The following SRRM3 variants were observed in gnomAD, a reference collection of about 807,000 sequenced individuals.
SRRM3 encodes serine/arginine repetitive matrix 3.
Under a neutral mutation model 66.2 loss-of-function variants are expected in SRRM3, and 27 were observed. The ratio of observed to expected loss-of-function variants is 0.41; its 90% CI spans 0.30 to 0.56. The LOEUF (loss-of-function observed/expected upper bound fraction) is 0.56. SRRM3 is among the 20% of genes least tolerant of loss of function. SRRM3 has a pLI of 0.32. For synonymous variants in SRRM3, 391 were observed against 414.9 expected (o/e 0.94, Z 0.70); for missense variants, 918 against 991.9 (o/e 0.93, Z 1.00).
Position 76,265,468 on chromosome 7 carries a change from G to T in SRRM3, c.830G>T (p.Arg277Met), listed in dbSNP as rs1801985707. The change falls in exon 10 of 15, where the codon AGG (arginine) becomes ATG (methionine). Residue 277 changes from arginine (R) to methionine (M), a missense_variant and splice_region_variant. Transcript: ENST00000611745. ...SHYSDSRSPSRLSPKHRDEGR... is the reference protein window; with the variant it reads ...SHYSDSRSPSMLSPKHRDEGR... ...TACAGTGATTCCAGATCTCCCAGCAGGTAGGCCTGGGCCTCTGGGAGGCTT... is the reference window on the plus strand; with the variant it reads ...TACAGTGATTCCAGATCTCCCAGCATGTAGGCCTGGGCCTCTGGGAGGCTT... 13 of 1,599,732 alleles carry T rather than the reference G, an allele frequency of 8.1e-6. No homozygotes were observed. The East Asian group carries it at 3.0e-4, about 37-fold the overall frequency.
rs1240338787 is a variant in SRRM3, at chr7:76,286,588, T to G, written c.*745T>G. ...TCCAGGCCAGGCTCTCCTCACCCCA[T>G]GCCCTGGGCCAAGGTCCTACCAGCC... On this transcript the variant is annotated 3_prime_UTR_variant, in exon 15 of 15. Coordinates refer to ENST00000611745, the MANE Select transcript of SRRM3 (RefSeq NM_001110199.3). 6.6e-6 allele frequency: 1 copy of G among 152,364 alleles called. No individual in the cohort carries two copies. The highest frequency in any genetic ancestry group is 1.5e-5 in the Non-Finnish European group (1 of 68,150). 9.4% of individuals were successfully genotyped at this position (152,364 alleles called of 1,614,324 possible).
intron 11 of SRRM3, among the ~76,000 whole-genome samples, chr7:76,279,420 C>A (rs1276955815): frequency 1.3e-5 from 2 of 151,740 alleles, no homozygotes; most frequent in East Asian, 3.9e-4. Flanking sequence ...GATACCACAT[C>A]TGCCCTGGAG....
intron 1 of SRRM3, among the ~76,000 whole-genome samples, chr7:76,218,006 C>T (rs1451390059): frequency 6.6e-6 from 1 of 152,156 alleles, no homozygotes; most frequent in Non-Finnish European, 1.5e-5. Context: ...TATCCAGGCC[C>T]CTGACACTTG....
At chr7:76,236,538 C>T (rs1368442234) in intron 2 of SRRM3, among the ~76,000 whole-genome samples, 1 of 152,182 alleles carries the variant, frequency 6.6e-6, no homozygotes, top group East Asian at 1.9e-4. Context: ...CACCCCAGGC[C>T]TCCTGGGCTC....
At chr7:76,274,535 C>CTCGTTCTACCCTCAGCA (rs1802293387) in intron 11 of SRRM3, among the ~76,000 whole-genome samples, 1 of 152,206 alleles carries the variant, frequency 6.6e-6, no homozygotes, top group Non-Finnish European at 1.5e-5. Context: ...CAGACAGGGG[C>CTCGTTCTACCCTCAGCA]TCCTTCTACC....
intron 10 of SRRM3, 60 bp from the exon 11 acceptor site, chr7:76,267,198 C>T: frequency 7.1e-7 from 1 of 1,412,386 alleles, no homozygotes; most frequent in Non-Finnish European, 9.3e-7. Context: ...GGAGGCGCAA[C>T]TGCTTGCAAA....
At position 76,260,517 on chromosome 7, in the gene SRRM3, T is replaced by A. The variant is rs1277528108; in HGVS notation, c.545+320T>A. On this transcript the variant is annotated intron_variant, in intron 5 of 14. Coordinates refer to ENST00000611745, the MANE Select transcript of SRRM3 (RefSeq NM_001110199.3). Reference sequence around the variant, plus strand: ...CCTCCCCTTCTCTAGGACCCGCCCCTCATCGAGGTCCTCTCCCCACTAGGC... The same window carrying A: ...CCTCCCCTTCTCTAGGACCCGCCCCACATCGAGGTCCTCTCCCCACTAGGC... Among the ~76,000 whole-genome samples, 10 of 22,474 alleles carry A rather than the reference T, an allele frequency of 4.4e-4. No individual in the cohort carries two copies. In the Admixed American group the frequency reaches 6.5e-3, roughly 15 times the overall value. The allele number at this position is 22,474 out of a possible 152,430, so 14.7% of individuals were successfully genotyped here.
chr7:76,268,393 TG>T (rs1436542901), intron 11 of SRRM3: 6 of 4,700 alleles, frequency 1.3e-3, no homozygotes, highest in East Asian at 8.5e-3. Flanking sequence ...CTGGGGTGGG[TG>T]GGGGGGTGGC....
At chr7:76,260,080 C>A (rs1801815899) in intron 4 of SRRM3, 37 bp from the exon 5 acceptor site, 1 of 1,407,416 alleles carries the variant, frequency 7.1e-7, no homozygotes, top group Non-Finnish European at 9.2e-7. Context: ...GGGGCTGCCC[C>A]CCCTCACCGC....
At chr7:76,238,556 C>T (rs540932370) in intron 2 of SRRM3, among the ~76,000 whole-genome samples, 51 of 151,988 alleles carry the variant, frequency 3.4e-4, no homozygotes, top group Non-Finnish European at 3.4e-4. Context: ...CTGCAATCAC[C>T]GCGGGGCGGG....
At chr7:76,275,497 CAA>C (rs35985626) in intron 11 of SRRM3, among the ~76,000 whole-genome samples, 51 of 70,906 alleles carry the variant, frequency 7.2e-4, no homozygotes, top group East Asian at 4.9e-3. Flanking sequence ...CCTGCTCCCT[CAA>C]AAAAAAAAAA....
intron 11 of SRRM3, among the ~76,000 whole-genome samples, chr7:76,277,294 C>T (rs1197806641): frequency 6.6e-6 from 1 of 152,306 alleles, no homozygotes; most frequent in Admixed American, 6.5e-5. Flanking sequence ...CCACTCTCAG[C>T]ATAATGTAGT....
intron 14 of SRRM3, 87 bp downstream of exon 14, chr7:76,283,188 TCTGAGGATCCA>T (rs1802574532): frequency 8.4e-7 from 1 of 1,189,704 alleles, no homozygotes; most frequent in African/African-American, 1.6e-5. Context: ...GGGGACCTTC[TCTGAGGATCCA>T]CTGAACCTGG....
chr7:76,212,554 C>T (rs1359298037), intron 1 of SRRM3, among the ~76,000 whole-genome samples: 2 of 149,794 alleles, frequency 1.3e-5, no homozygotes, highest in African/African-American at 4.9e-5. Flanking sequence ...CTGCAACCTC[C>T]GCCTCCCAGG....
At position 76,225,884 on chromosome 7, in the gene SRRM3, A is replaced by T. The variant is rs2116974838; in HGVS notation, c.-39-9144A>T. Among the ~76,000 whole-genome samples, 2 of 152,282 alleles carry T rather than the reference A, an allele frequency of 1.3e-5. 1 individual carries two copies. The highest frequency in any genetic ancestry group is 4.1e-4 in the South Asian group (2 of 4,826). ...CAGGCAAGGAAACTGAGACCCAGAGAGTTGAAGTCACGTGCCCTAGGTCTC... is the reference window on the plus strand; with the variant it reads ...CAGGCAAGGAAACTGAGACCCAGAGTGTTGAAGTCACGTGCCCTAGGTCTC... On this transcript the variant is annotated intron_variant, in intron 1 of 14. Transcript: ENST00000611745.
At position 76,282,667 on chromosome 7, in the gene SRRM3, C is replaced by A; in HGVS notation, c.1390C>A (p.Arg464Ser). ...HGKRAKERPPRARPASTSPSP... is the reference protein window; with the variant it reads ...HGKRAKERPPSARPASTSPSP... ...CTCCAGGGCCAAGGAGCGGCCCCCG[C>A]GCGCGCGGCCCGCCAGCACCTCTCC... is the stretch of plus-strand genomic sequence containing the variant. Residue 464 changes from arginine (R) to serine (S), a missense_variant, in exon 13 of 15, where the codon CGC becomes AGC. Transcript: ENST00000611745. The A allele has an allele frequency of 7.1e-7, 1 of 1,404,512 alleles. No homozygotes were observed. The allele number at this position is 1,404,512 out of a possible 1,614,324, so 87.0% of individuals were successfully genotyped here.
chr7:76,250,019 A>G (rs1428059870), intron 3 of SRRM3, among the ~76,000 whole-genome samples: 8 of 150,320 alleles, frequency 5.3e-5, no homozygotes, highest in Admixed American at 4.7e-4. Context: ...TGTTGCAATC[A>G]TCTTTATTTA....
chr7:76,205,355 A>G (rs1396490272), intron 1 of SRRM3, among the ~76,000 whole-genome samples: 1 of 152,044 alleles, frequency 6.6e-6, no homozygotes, highest in African/African-American at 2.4e-5. Flanking sequence ...GACTACAGGC[A>G]TGTGCCACCA....
intron 1 of SRRM3, among the ~76,000 whole-genome samples, chr7:76,217,388 G>T (rs914783458): frequency 1.3e-5 from 2 of 152,112 alleles, no homozygotes; most frequent in Non-Finnish European, 2.9e-5. Flanking sequence ...AAGTTCAAGC[G>T]ATTCTCCTGC....
Sources: gnomAD v4.1 joint callset for allele counts (sites outside exome capture counted in the v4.1 genomes callset) on GRCh38, gnomAD v4.1.1 for gene constraint, MANE v1.5 for transcripts, NCBI Gene and HGNC (gene_info 2026-07-23, HGNC 2026-07-21) for gene names.